PTPRN2: variants seen among roughly 807,000 people sequenced by gnomAD.
PTPRN2 encodes protein tyrosine phosphatase receptor type N2.
PTPRN2 carries 74 observed loss-of-function variants against 118.8 expected under a neutral mutation model. The ratio of observed to expected loss-of-function variants is 0.62; its 90% confidence interval spans 0.52 to 0.76. PTPRN2 has a LOEUF of 0.76. PTPRN2 is among the 30% of genes least tolerant of loss of function. The pLI is 0.00. For synonymous variants in PTPRN2, 641 were observed against 608.0 expected, an observed-to-expected ratio of 1.05 and a Z score of -0.80; for missense variants, 1,481 against 1,394.4, an observed-to-expected ratio of 1.06 and a Z score of -0.99.
intron 2 of PTPRN2, among the ~76,000 whole-genome samples, chr7:158,329,662 G>A (rs945360984): frequency 6.6e-6 from 1 of 152,188 alleles, no homozygotes; most frequent in Non-Finnish European, 1.5e-5. Context: ...GCAATAGGTG[G>A]TACTTTGAGC....
intron 1 of PTPRN2, among the ~76,000 whole-genome samples, chr7:158,575,527 G>C (rs1828275082): frequency 6.6e-6 from 1 of 152,176 alleles, no homozygotes; most frequent in Non-Finnish European, 1.5e-5. Flanking sequence ...ACCAGGCCCA[G>C]CTAATTTTTT....
intron 20 of PTPRN2, among the ~76,000 whole-genome samples, chr7:157,570,919 G>T (rs1799722870): frequency 1.3e-5 from 2 of 152,148 alleles, no homozygotes; most frequent in Admixed American, 1.3e-4. Flanking sequence ...GTGAGTAGAA[G>T]GCAGGACACT....
chr7:158,510,472 CTCT>C (rs1563375397), intron 1 of PTPRN2, among the ~76,000 whole-genome samples: 10 of 151,826 alleles, frequency 6.6e-5, no homozygotes, highest in African/African-American at 2.4e-4. Flanking sequence ...CTCTCTCTCT[CTCT>C]CTCACCCAGA....
chr7:158,109,794 C>A (rs12698150), intron 10 of PTPRN2, among the ~76,000 whole-genome samples: 45,099 of 151,406 alleles, frequency 0.3, 7,640 homozygotes, highest in Middle Eastern at 0.44. Context: ...GACGTTACCC[C>A]GGTGTGAGGG....
intron 14 of PTPRN2, among the ~76,000 whole-genome samples, chr7:157,653,058 G>C (rs2707942): frequency 0.86 from 131,604 of 152,178 alleles, 57,172 homozygotes; most frequent in Admixed American, 0.91. Context: ...CCTCCACCCT[G>C]CCACATGTGT....
chr7:158,420,869 A>G (rs1430446992), intron 2 of PTPRN2, among the ~76,000 whole-genome samples: 2 of 152,126 alleles, frequency 1.3e-5, no homozygotes, highest in Admixed American at 6.6e-5. Flanking sequence ...GTCCCTGTTG[A>G]TGAGACGTGG....
Position 158,177,866 on chromosome 7 carries a change from G to A in PTPRN2, c.550-10575C>T, listed in dbSNP as rs565511176. On this transcript the variant is annotated intron_variant, in intron 5 of 22. Coordinates refer to ENST00000389418, the MANE Select transcript of PTPRN2 (RefSeq NM_002847.5). ...AATCTTTGAATGCACACATGCTTTC[G>A]TTTGTCTTGAGTAGAAGTGGGATGG... Among the ~76,000 whole-genome samples, 127 of 152,300 alleles carry A rather than the reference G, an allele frequency of 8.3e-4. 1 individual carries two copies. In the South Asian group the frequency reaches 0.024, roughly 29 times the overall value.
chr7:158,158,916 G>A (rs1822107658), intron 6 of PTPRN2, among the ~76,000 whole-genome samples: 2 of 42,528 alleles, frequency 4.7e-5, no homozygotes, highest in South Asian at 1.1e-3. Flanking sequence ...GTGATTGGCC[G>A]GGACTTCGCA....
chr7:158,079,477 A>G (rs1419262771), intron 11 of PTPRN2, among the ~76,000 whole-genome samples: 1 of 152,232 alleles, frequency 6.6e-6, no homozygotes, highest in Non-Finnish European at 1.5e-5. Flanking sequence ...GAGCCATAAA[A>G]TAAATCAAAG....
rs1398515568 is a variant in PTPRN2, at chr7:157,914,330, T to C, written c.1724-15593A>G. Among the ~76,000 whole-genome samples the C allele has an allele frequency of 5.3e-5, 8 of 152,348 alleles. No homozygotes were observed. In the East Asian group the frequency reaches 1.2e-3, roughly 22 times the overall value. On this transcript the variant is annotated intron_variant, in intron 11 of 22. Transcript: ENST00000389418. ...TTTTTCACTCCATAGGCTTCTGGAA[T>C]CTGAGTACTGGTGTCTTACATCAGT... is the stretch of plus-strand genomic sequence containing the variant.
intron 3 of PTPRN2, among the ~76,000 whole-genome samples, chr7:158,298,583 A>T (rs906118451): frequency 6.6e-6 from 1 of 152,232 alleles, no homozygotes; most frequent in African/African-American, 2.4e-5. Context: ...AATCTGGAAG[A>T]AAAGAATGAA....
chr7:158,323,799 G>T (rs977430967), intron 2 of PTPRN2, among the ~76,000 whole-genome samples: 2 of 152,154 alleles, frequency 1.3e-5, no homozygotes, highest in Non-Finnish European at 2.9e-5. Context: ...TATAGTCTGT[G>T]GGGCTGCATA....
intron 9 of PTPRN2, among the ~76,000 whole-genome samples, chr7:158,118,267 G>A (rs1816886406): frequency 6.6e-6 from 1 of 152,008 alleles, no homozygotes; most frequent in Non-Finnish European, 1.5e-5. Context: ...AAAAAGGGTG[G>A]GTAAATAGCA....
intron 13 of PTPRN2, among the ~76,000 whole-genome samples, chr7:157,659,277 G>A (rs913306690): frequency 4.9e-5 from 7 of 144,304 alleles, no homozygotes; most frequent in Admixed American, 1.4e-4. Context: ...GAGGATGACC[G>A]CGGGGACTGG....
rs1049359947 is a variant in PTPRN2, at chr7:157,617,290, G to A, written c.2344+4072C>T. 3 of 150,496 alleles carry A rather than the reference G, an allele frequency of 2.0e-5. No homozygotes were observed. In the East Asian group the frequency reaches 5.9e-4, roughly 29 times the overall value. The allele number at this position is 150,496 out of a possible 1,614,324, so 9.3% of individuals were successfully genotyped here. A position where few individuals can be genotyped will look rare whatever the true frequency, so the allele number is the denominator to read the frequency against. ...ATGCCGTGGTTAGGACGCCGTTCACGCAGCTGCAGCGCAGAGCACGGGGGA... is the reference window on the plus strand; with the variant it reads ...ATGCCGTGGTTAGGACGCCGTTCACACAGCTGCAGCGCAGAGCACGGGGGA... On this transcript the variant is annotated intron_variant, in intron 15 of 22. Transcript: ENST00000389418. This position sits in a 1 kb window ranked among gnomAD's most constrained non-coding sequence, Gnocchi z 7.5.
chr7:158,428,662 T>C (rs1344843346), intron 2 of PTPRN2, among the ~76,000 whole-genome samples: 2 of 152,168 alleles, frequency 1.3e-5, no homozygotes, highest in Non-Finnish European at 1.5e-5. Context: ...CAGGCCTCTG[T>C]TTCACACAGT....
chr7:158,314,647 C>T lies in PTPRN2; in HGVS notation c.277+2172G>A, dbSNP rs1802140531. On this transcript the variant is annotated intron_variant, in intron 3 of 22. Transcript: ENST00000389418. Reference sequence around the variant, plus strand: ...GCCTGGAGTGTGCATCAGGGAGCTGCCCGGCGCCCTGGCCCACACCGCCAC... The same window carrying T: ...GCCTGGAGTGTGCATCAGGGAGCTGTCCGGCGCCCTGGCCCACACCGCCAC... Among the ~76,000 whole-genome samples the T allele has an allele frequency of 1.3e-5, 2 of 150,156 alleles. 1 individual carries two copies. Among genetic ancestry groups the T allele is most frequent in the South Asian group, 4.3e-4 (2 of 4,692 alleles).
At chr7:157,886,235 G>A (rs1420300236) in intron 12 of PTPRN2, among the ~76,000 whole-genome samples, 1 of 151,774 alleles carries the variant, frequency 6.6e-6, no homozygotes, top group Non-Finnish European at 1.5e-5. Flanking sequence ...GGCACAAGGC[G>A]GGCCTCCGTT....
At chr7:158,309,802 G>A (rs1801562628) in intron 3 of PTPRN2, among the ~76,000 whole-genome samples, 1 of 152,168 alleles carries the variant, frequency 6.6e-6, no homozygotes, top group Non-Finnish European at 1.5e-5. Context: ...CTATGATACA[G>A]ACTGAATGTT....
Sources: gnomAD v4.1 joint callset for allele counts (sites outside exome capture counted in the v4.1 genomes callset) on GRCh38, gnomAD v4.1.1 for gene constraint, Gnocchi (gnomAD v3.1) non-coding constraint, MANE v1.5 for transcripts, NCBI Gene and HGNC (gene_info 2026-07-23, HGNC 2026-07-21) for gene names.